The following KLF12 variants were observed in gnomAD, a reference collection of about 807,000 sequenced individuals.
KLF12 encodes Krueppel-like factor 12.
In KLF12, 9 loss-of-function variants were observed where a neutral mutation model predicts 37.8. The ratio of observed to expected loss-of-function variants is 0.24; its 90% confidence interval spans 0.14 to 0.42. KLF12 has a LOEUF of 0.42. KLF12 is among the 10% of genes least tolerant of loss of function. The probability of loss-of-function intolerance (pLI) is 1.00; values close to 1 mark genes in which losing one functional copy is unlikely to be tolerated. For synonymous variants in KLF12, 208 were observed against 202.1 expected (o/e 1.03, Z -0.25); for missense variants, 411 against 516.0 (o/e 0.80, Z 1.97).
chr13:74,270,583 A>G, the KLF12 span, among the ~76,000 whole-genome samples: 1 of 152,220 alleles, frequency 6.6e-6, no homozygotes, highest in African/African-American at 2.4e-5. Context: ...AACCTTGCCC[A>G]TCAATATACA....
At chr13:74,190,305 T>C in the KLF12 span, among the ~76,000 whole-genome samples, 1 of 152,224 alleles carries the variant, frequency 6.6e-6, no homozygotes, top group Non-Finnish European at 1.5e-5. Flanking sequence ...GGAGTTTATA[T>C]CTTGAAGAAG....
At chr13:74,140,952 G>A in the KLF12 span, among the ~76,000 whole-genome samples, 11 of 6,484 alleles carry the variant, frequency 1.7e-3, no homozygotes, top group East Asian at 0.34. Context: ...GCTACTCGGG[G>A]GGTGGGGGGT....
chr13:74,216,687 A>G, the KLF12 span, among the ~76,000 whole-genome samples: 13 of 152,362 alleles, frequency 8.5e-5, no homozygotes, highest in East Asian at 2.3e-3. Flanking sequence ...AAAAGCAAAA[A>G]GGAGTGCAAT....
At chr13:74,215,419 T>C in the KLF12 span, among the ~76,000 whole-genome samples, 2 of 145,804 alleles carry the variant, frequency 1.4e-5, no homozygotes, top group East Asian at 2.0e-4. Context: ...TCTCATTTCC[T>C]CTGGGTTCTT....
chr13:73,706,133 G>A (rs367612407), intron 7 of KLF12, among the ~76,000 whole-genome samples: 3 of 152,140 alleles, frequency 2.0e-5, no homozygotes, highest in East Asian at 1.9e-4. Context: ...CTAGCCTGGC[G>A]ACAGAGTGAG....
At chr13:74,007,219 A>G (rs1045724575) in intron 1 of KLF12, among the ~76,000 whole-genome samples, 1 of 148,200 alleles carries the variant, frequency 6.7e-6, no homozygotes, top group African/African-American at 2.4e-5. Flanking sequence ...GTGGTGAAAT[A>G]CTGAAAGCTT....
intron 4 of KLF12, among the ~76,000 whole-genome samples, chr13:73,832,089 T>C (rs745745147): frequency 6.6e-6 from 1 of 152,228 alleles, no homozygotes; most frequent in Non-Finnish European, 1.5e-5. Flanking sequence ...TCCTTTCCTA[T>C]AAGTAACATA....
the KLF12 span, among the ~76,000 whole-genome samples, chr13:74,229,742 C>G: frequency 1.3e-5 from 2 of 152,118 alleles, no homozygotes; most frequent in Admixed American, 1.3e-4. Flanking sequence ...AGGCCTGCAC[C>G]GGAATAAGCT....
At chr13:73,738,037 A>ACACC in intron 6 of KLF12, among the ~76,000 whole-genome samples, 1 of 147,344 alleles carries the variant, frequency 6.8e-6, no homozygotes, top group African/African-American at 2.4e-5. Flanking sequence ...ACACACACAC[A>ACACC]CACACACACA....
the KLF12 span, among the ~76,000 whole-genome samples, chr13:74,150,354 T>C: frequency 6.6e-6 from 1 of 152,150 alleles, no homozygotes; most frequent in Admixed American, 6.5e-5. Context: ...AGACCCCCAG[T>C]GGGTCCCTAA....
At chr13:74,224,545 C>G in the KLF12 span, among the ~76,000 whole-genome samples, 1 of 152,074 alleles carries the variant, frequency 6.6e-6, no homozygotes, top group African/African-American at 2.4e-5. Flanking sequence ...CTTCCATTTC[C>G]CTAGCATTTG....
chr13:73,786,835 G>C (rs1185855167), intron 5 of KLF12, among the ~76,000 whole-genome samples: 1 of 152,186 alleles, frequency 6.6e-6, no homozygotes, highest in East Asian at 1.9e-4. Flanking sequence ...TGAGGTGCGA[G>C]GAATGCTTGA....
intron 1 of KLF12, among the ~76,000 whole-genome samples, chr13:74,109,717 A>C (rs571943799): frequency 6.6e-6 from 1 of 152,308 alleles, no homozygotes; most frequent in South Asian, 2.1e-4. Context: ...TGTTAGTTCA[A>C]GCCAATGGAA....
At chr13:73,913,424 A>T (rs962387233) in intron 3 of KLF12, among the ~76,000 whole-genome samples, 2 of 152,194 alleles carry the variant, frequency 1.3e-5, no homozygotes, top group African/African-American at 4.8e-5. Context: ...TTAACCATCA[A>T]CTGTAAATCA....
At chr13:74,167,201 C>G in the KLF12 span, among the ~76,000 whole-genome samples, 1 of 152,204 alleles carries the variant, frequency 6.6e-6, no homozygotes, top group Non-Finnish European at 1.5e-5. Flanking sequence ...TAGAGATGCT[C>G]AAGCAAAGAA....
At chr13:73,796,927 G>GA (rs1433516932) in intron 5 of KLF12, among the ~76,000 whole-genome samples, 6 of 152,048 alleles carry the variant, frequency 3.9e-5, no homozygotes, top group African/African-American at 7.2e-5. Flanking sequence ...AAAGAAGGCT[G>GA]AAAAAAAAGA....
chr13:74,185,229 T>A, the KLF12 span, among the ~76,000 whole-genome samples: 1 of 152,216 alleles, frequency 6.6e-6, no homozygotes, highest in Admixed American at 6.5e-5. Flanking sequence ...TCCTGTTCAA[T>A]TAATAATATT....
chr13:73,729,963 T>G (rs1336916515), intron 6 of KLF12, among the ~76,000 whole-genome samples: 2 of 152,124 alleles, frequency 1.3e-5, no homozygotes, highest in Non-Finnish European at 2.9e-5. Context: ...GTGTAAAGCC[T>G]CCTTCCCAGC....
chr13:73,865,993 C>T (rs1393561032), intron 3 of KLF12, among the ~76,000 whole-genome samples: 1 of 152,198 alleles, frequency 6.6e-6, no homozygotes, highest in Non-Finnish European at 1.5e-5. Context: ...CAGTGGCTCA[C>T]GCCTATAATC....
Sources: allele counts gnomAD v4.1 joint callset (sites outside exome capture counted in the v4.1 genomes callset), GRCh38; gene constraint gnomAD v4.1.1; transcripts MANE v1.5; gene names NCBI Gene and HGNC (gene_info 2026-07-23, HGNC 2026-07-21).